Variants in FOXP2 observed in about 807,000 individuals in gnomAD.
FOXP2 encodes forkhead box protein P2.
Under a neutral mutation model 115.8 loss-of-function variants are expected in FOXP2, and 12 were observed. The ratio of observed to expected loss-of-function variants is 0.10; its 90% confidence interval spans 0.07 to 0.17. FOXP2 has a LOEUF of 0.17. Among genes scored for constraint, FOXP2 ranks in the 10% least tolerant of loss-of-function variants. FOXP2 has a pLI of 1.00. For missense variants in FOXP2, 629 were observed against 843.5 expected (o/e 0.75, Z 3.15); for synonymous variants, 328 against 297.7 (o/e 1.10, Z -1.05).
chr7:114,401,234 A>G, intron 2 of FOXP2, among the ~76,000 whole-genome samples: 1 of 152,222 alleles, frequency 6.6e-6, no homozygotes, highest in Non-Finnish European at 1.5e-5. Context: ...ATGTTGTCAT[A>G]GAATCCAATA....
At chr7:114,565,722 T>C (rs1800988863) in intron 3 of FOXP2, among the ~76,000 whole-genome samples, 1 of 152,138 alleles carries the variant, frequency 6.6e-6, no homozygotes, top group African/African-American at 2.4e-5. Flanking sequence ...TTCTCAATGT[T>C]GTACAGGTCT....
In FOXP2 at chr7:114,692,059, G is replaced by A. The variant is rs1047715764; in HGVS notation, c.*2133G>A. Reference sequence around the variant, plus strand: ...GTCTTTGGGTCATGATCAACGAACCGGAAGTTTACAATATGGTATTAAAAG... The same window carrying A: ...GTCTTTGGGTCATGATCAACGAACCAGAAGTTTACAATATGGTATTAAAAG... On this transcript the variant is annotated 3_prime_UTR_variant, in exon 17 of 17. Transcript: ENST00000350908. 15 of 453,976 alleles carry A rather than the reference G, an allele frequency of 3.3e-5. No homozygotes were observed. Among genetic ancestry groups the A allele is most frequent in the African/African-American group, 2.0e-4 (10 of 50,044 alleles). 28.1% of individuals were successfully genotyped at this position (453,976 alleles called of 1,614,324 possible).
intron 1 of FOXP2, among the ~76,000 whole-genome samples, chr7:114,110,020 T>A (rs1321191137): frequency 2.0e-5 from 3 of 152,176 alleles, no homozygotes. Flanking sequence ...AAAAGTCTTC[T>A]GTGCATAAGT....
intron 1 of FOXP2, among the ~76,000 whole-genome samples, chr7:114,175,440 G>A (rs755740015): frequency 4.6e-5 from 7 of 152,028 alleles, no homozygotes; most frequent in East Asian, 1.9e-4. Context: ...GTAGCAAAGC[G>A]GTTTTGGGTC....
intron 2 of FOXP2, among the ~76,000 whole-genome samples, chr7:114,320,119 C>G (rs765140271): frequency 8.5e-5 from 13 of 152,174 alleles, no homozygotes; most frequent in Non-Finnish European, 2.9e-5. Flanking sequence ...TTAAAGCCAC[C>G]ATTTCCCAGC....
intron 1 of FOXP2, among the ~76,000 whole-genome samples, chr7:114,139,414 G>A (rs1792141174): frequency 1.3e-5 from 2 of 151,630 alleles, no homozygotes; most frequent in East Asian, 3.9e-4. Context: ...TAATAAAAAA[G>A]GTTTCTTTTA....
upstream of FOXP2, among the ~76,000 whole-genome samples, chr7:114,409,310 A>C (rs1422016011): frequency 2.0e-5 from 3 of 152,138 alleles, no homozygotes; most frequent in Non-Finnish European, 4.4e-5. Context: ...TTGCACATTC[A>C]GTGATGTTAG....
chr7:114,432,210 C>G (rs1794143057), intron 2 of FOXP2, among the ~76,000 whole-genome samples: 1 of 151,908 alleles, frequency 6.6e-6, no homozygotes, highest in African/African-American at 2.4e-5. Context: ...AGCAGCTTGC[C>G]AAGTTCTTCA....
intron 1 of FOXP2, among the ~76,000 whole-genome samples, chr7:114,136,850 T>C (rs2073351490): frequency 6.6e-6 from 1 of 151,986 alleles, no homozygotes; most frequent in Non-Finnish European, 1.5e-5. Flanking sequence ...ACATCAATAC[T>C]AATAAGCCAA....
intron 2 of FOXP2, among the ~76,000 whole-genome samples, chr7:114,404,087 C>T (rs1030101068): frequency 6.6e-6 from 1 of 152,032 alleles, no homozygotes; most frequent in Non-Finnish European, 1.5e-5. Context: ...GCTTACCATT[C>T]ATTAAATGGG....
At chr7:114,435,624 G>T (rs1794307950) in intron 2 of FOXP2, among the ~76,000 whole-genome samples, 1 of 152,082 alleles carries the variant, frequency 6.6e-6, no homozygotes, top group African/African-American at 2.4e-5. Flanking sequence ...TGCAACCTCT[G>T]CCTCCCAGGT....
intron 1 of FOXP2, among the ~76,000 whole-genome samples, chr7:114,183,148 C>T (rs1793500939): frequency 6.6e-6 from 1 of 152,080 alleles, no homozygotes; most frequent in Non-Finnish European, 1.5e-5. Flanking sequence ...AAAATGTTTG[C>T]ACTTTTTTGA....
chr7:114,215,648 G>T (rs1299118147), intron 1 of FOXP2, among the ~76,000 whole-genome samples: 1 of 151,588 alleles, frequency 6.6e-6, no homozygotes, highest in African/African-American at 2.4e-5. Context: ...CATTGGTTAA[G>T]ATACTGCTTT....
chr7:114,482,813 T>G (rs1027312692), intron 2 of FOXP2, among the ~76,000 whole-genome samples: 2 of 151,672 alleles, frequency 1.3e-5, no homozygotes, highest in African/African-American at 4.8e-5. Context: ...CAATATGTAC[T>G]AATAGACAAA....
intron 16 of FOXP2, among the ~76,000 whole-genome samples, chr7:114,674,586 C>G (rs1360421863): frequency 2.0e-5 from 3 of 151,914 alleles, no homozygotes; most frequent in Admixed American, 2.0e-4. Flanking sequence ...TTTAATTTAC[C>G]AAAGAGAAAA....
chr7:114,333,829 A>G (rs372122803), intron 2 of FOXP2, among the ~76,000 whole-genome samples: 3 of 151,970 alleles, frequency 2.0e-5, no homozygotes, highest in African/African-American at 7.2e-5. Flanking sequence ...CATAGGGTGC[A>G]TTGAGCCAAG....
At chr7:114,256,659 C>T (rs1795621278) in intron 1 of FOXP2, among the ~76,000 whole-genome samples, 1 of 152,176 alleles carries the variant, frequency 6.6e-6, no homozygotes, top group African/African-American at 2.4e-5. Flanking sequence ...GTTAGCTGTT[C>T]ACTCTGATGA....
intron 6 of FOXP2, among the ~76,000 whole-genome samples, chr7:114,638,828 T>C (rs776230421): frequency 6.6e-6 from 1 of 152,210 alleles, no homozygotes; most frequent in Non-Finnish European, 1.5e-5. Context: ...AGGAATTTTT[T>C]GACTTCTTTT....
intron 2 of FOXP2, among the ~76,000 whole-genome samples, chr7:114,441,469 G>A (rs748685336): frequency 1.3e-5 from 2 of 151,860 alleles, no homozygotes; most frequent in Non-Finnish European, 2.9e-5. Flanking sequence ...AAAAATTGGA[G>A]TGGAATGTCC....
Sources: allele counts gnomAD v4.1 joint callset (sites outside exome capture counted in the v4.1 genomes callset), GRCh38; gene constraint gnomAD v4.1.1; transcripts MANE v1.5; gene names NCBI Gene and HGNC (gene_info 2026-07-23, HGNC 2026-07-21).